Variants in SIK2 observed in about 807,000 individuals in gnomAD.
SIK2 encodes the protein salt inducible kinase 2.
A neutral mutation model predicts 103.2 loss-of-function variants in SIK2; 29 were observed. The observed-to-expected ratio is 0.28, with a 90% CI of 0.21 to 0.38. The LOEUF (loss-of-function observed/expected upper bound fraction) is 0.38, where lower values mean the gene tolerates loss of function less well. SIK2 is among the 10% of genes least tolerant of loss of function. The pLI, the probability that SIK2 is intolerant of heterozygous loss-of-function variation, is 1.00. For synonymous variants in SIK2, 412 were observed against 446.1 expected (o/e 0.92, Z 0.96); for missense variants, 879 against 1,171.0 (o/e 0.75, Z 3.64).
chr11:111,701,111 A>ATTTCATAT lies in SIK2; in HGVS notation c.603+106_603+113dup. The ATTTCATAT allele has an allele frequency of 1.4e-6, 2 of 1,426,896 alleles. No individual in the cohort carries two copies. Among genetic ancestry groups the ATTTCATAT allele is most frequent in the Non-Finnish European group, 1.9e-6 (2 of 1,066,716 alleles). 88.4% of individuals were successfully genotyped at this position (1,426,896 alleles called of 1,614,324 possible). On this transcript the variant is annotated intron_variant, in intron 5 of 14. Transcript: ENST00000304987. This position sits in a 1 kb window ranked among gnomAD's most constrained non-coding sequence, Gnocchi z 4.2. ...TCCTGGTACTTAACACATAAGCAGT[A>ATTTCATAT]TTTCATATTTTCCCCATCCACTGGA...
chr11:111,705,914 CAT>C lies in SIK2; in HGVS notation c.1101+778_1101+779del, dbSNP rs1168351945. On this transcript the variant is annotated intron_variant, in intron 8 of 14. Coordinates refer to ENST00000304987, the MANE Select transcript of SIK2 (RefSeq NM_015191.3). This position sits in a 1 kb window ranked among gnomAD's most constrained non-coding sequence, Gnocchi z 4.3. ...ATGAGAAATACCGAAGGCTTAAACT[CAT>C]ATGGCACTGTTGGAAGTAGAAAAGA... 1.3e-5 allele frequency among the ~76,000 whole-genome samples: 2 copies of C among 152,128 alleles called. No individual in the cohort carries two copies. Among genetic ancestry groups the C allele is most frequent in the African/African-American group, 4.8e-5 (2 of 41,424 alleles).
chr11:111,609,608 C>T (rs1342145778), intron 1 of SIK2, among the ~76,000 whole-genome samples: 2 of 152,192 alleles, frequency 1.3e-5, no homozygotes, highest in Non-Finnish European at 2.9e-5. Flanking sequence ...AGGCATAAGC[C>T]ACCATACCCA....
At chr11:111,714,319 G>A (rs775664622) in intron 9 of SIK2, among the ~76,000 whole-genome samples, 21 of 152,316 alleles carry the variant, frequency 1.4e-4, no homozygotes, top group Non-Finnish European at 2.2e-4. Flanking sequence ...TTCCCTAAGC[G>A]AGTGCTTTCA....
At chr11:111,687,230 C>T (rs939937720) in intron 3 of SIK2, among the ~76,000 whole-genome samples, 1 of 151,972 alleles carries the variant, frequency 6.6e-6, no homozygotes, top group Non-Finnish European at 1.5e-5. Context: ...AGAAATATTT[C>T]TTCAGGCTGG....
intron 3 of SIK2, among the ~76,000 whole-genome samples, chr11:111,621,617 T>TAATATAA (rs1379210828): frequency 6.6e-6 from 1 of 152,150 alleles, no homozygotes; most frequent in Non-Finnish European, 1.5e-5. Context: ...ACTTCGCATA[T>TAATATAA]AATATAAGAA....
Position 111,647,478 on chromosome 11 carries a change from C to T in SIK2, c.316+27076C>T, listed in dbSNP as rs796813973. Among the ~76,000 whole-genome samples the T allele has an allele frequency of 1.7e-4, 25 of 151,212 alleles. 1 individual carries two copies. Among genetic ancestry groups the T allele is most frequent in the African/African-American group, 6.1e-4 (25 of 41,090 alleles). ...ATCTACAAAAAATACAAAAAATACG[C>T]CAGGCATGTTGGCATTGAGACTGCA... On this transcript the variant is annotated intron_variant, in intron 3 of 14. Coordinates refer to ENST00000304987, the MANE Select transcript of SIK2 (RefSeq NM_015191.3).
rs979552784 is a variant in SIK2 at position 111,724,251 on chromosome 11, A to T, written c.*122A>T. Reference sequence around the variant, plus strand: ...CTCCCTAACGGGGAGAAATCGAGCCACCCAACTGGAATCAGAGGGTCTGGC... The same window carrying T: ...CTCCCTAACGGGGAGAAATCGAGCCTCCCAACTGGAATCAGAGGGTCTGGC... On this transcript the variant is annotated 3_prime_UTR_variant, in exon 15 of 15. Coordinates refer to ENST00000304987, the MANE Select transcript of SIK2 (RefSeq NM_015191.3). 8.1e-6 allele frequency: 11 copies of T among 1,360,536 alleles called. No individual in the cohort carries two copies. Among genetic ancestry groups the T allele is most frequent in the Non-Finnish European group, 1.1e-5 (11 of 1,024,798 alleles). 84.3% of individuals were successfully genotyped at this position (1,360,536 alleles called of 1,614,324 possible).
At chr11:111,650,120 C>T (rs1942309109) in intron 3 of SIK2, among the ~76,000 whole-genome samples, 2 of 151,744 alleles carry the variant, frequency 1.3e-5, no homozygotes, top group Admixed American at 1.3e-4. Flanking sequence ...AGTAGGTGTA[C>T]ATATATGCTA....
At chr11:111,645,945 C>T (rs1036682231) in intron 3 of SIK2, among the ~76,000 whole-genome samples, 1 of 151,942 alleles carries the variant, frequency 6.6e-6, no homozygotes, top group South Asian at 2.1e-4. Flanking sequence ...TATTTCTTGA[C>T]CTTCATGGTG....
At chr11:111,666,444 A>G (rs999559603) in intron 3 of SIK2, among the ~76,000 whole-genome samples, 3 of 152,200 alleles carry the variant, frequency 2.0e-5, no homozygotes, top group African/African-American at 7.2e-5. Flanking sequence ...TTAAAAAAAG[A>G]TACTGTATGT....
chr11:111,603,797 G>T (rs1487908454), intron 1 of SIK2, among the ~76,000 whole-genome samples: 1 of 152,178 alleles, frequency 6.6e-6, no homozygotes, highest in African/African-American at 2.4e-5. Flanking sequence ...TTGCCCTCCA[G>T]TTTTGGTCCT....
intron 7 of SIK2, among the ~76,000 whole-genome samples, chr11:111,704,272 T>C (rs1324261410): frequency 6.6e-6 from 1 of 152,224 alleles, no homozygotes; most frequent in Non-Finnish European, 1.5e-5. Flanking sequence ...CTGAGAGTGC[T>C]CTGCATCCTG....
intron 3 of SIK2, among the ~76,000 whole-genome samples, chr11:111,663,760 G>A (rs976290216): frequency 7.9e-5 from 12 of 152,178 alleles, no homozygotes; most frequent in African/African-American, 1.9e-4. Flanking sequence ...TTCGGGGTAC[G>A]TTTTCAAGGT....
chr11:111,657,679 A>G (rs572165370), intron 3 of SIK2, among the ~76,000 whole-genome samples: 1 of 152,196 alleles, frequency 6.6e-6, no homozygotes, highest in South Asian at 2.1e-4. Flanking sequence ...ATGAGCCACC[A>G]TGCCTGGCCA....
At chr11:111,663,264 G>T (rs910597143) in intron 3 of SIK2, among the ~76,000 whole-genome samples, 1 of 151,562 alleles carries the variant, frequency 6.6e-6, no homozygotes, top group Non-Finnish European at 1.5e-5. Flanking sequence ...GGTAAAGGTA[G>T]AGTCTCTGAG....
In SIK2 at chr11:111,727,308, T is replaced by C. The variant is rs1426969920; in HGVS notation, c.*3179T>C. On this transcript the variant is annotated 3_prime_UTR_variant, in exon 15 of 15. Transcript: ENST00000304987. ...TTCATGCCCATCTGAGCAAACCCCT[T>C]CTCTCTTCCATCCACTTTTGCCTCC... 6 of 516,158 alleles carry C rather than the reference T, an allele frequency of 1.2e-5. No homozygotes were observed. Among genetic ancestry groups the C allele is most frequent in the Non-Finnish European group, 2.1e-5 (6 of 289,926 alleles). The allele number at this position is 516,158 out of a possible 1,614,324, so 32.0% of individuals were successfully genotyped here.
intron 3 of SIK2, among the ~76,000 whole-genome samples, chr11:111,623,072 A>G (rs114668882): frequency 3.9e-4 from 59 of 152,302 alleles, no homozygotes; most frequent in African/African-American, 1.2e-3. Context: ...CCCACAGCTC[A>G]CTGATGCTCT....
chr11:111,638,396 A>G (rs974392267), intron 3 of SIK2, among the ~76,000 whole-genome samples: 4 of 152,122 alleles, frequency 2.6e-5, no homozygotes, highest in South Asian at 2.1e-4. Flanking sequence ...TATTTTTTAA[A>G]CCATCTTCAC....
rs1555027118 is a variant in SIK2 at position 111,643,476 on chromosome 11, A to AG, written c.316+23075dup. 6.8e-3 allele frequency among the ~76,000 whole-genome samples: 1,042 copies of AG among 152,138 alleles called. 16 individuals carry two copies. The highest frequency in any genetic ancestry group is 0.024 in the African/African-American group (981 of 41,488). On this transcript the variant is annotated intron_variant, in intron 3 of 14. Transcript: ENST00000304987. ...GTATCCCAGAACTTAAAAAAAAAAA[A>AG]GTTAATTATATTTGAAAATGTAGAG...
Sources: allele counts gnomAD v4.1 joint callset (sites outside exome capture counted in the v4.1 genomes callset), GRCh38; gene constraint gnomAD v4.1.1; non-coding constraint Gnocchi (gnomAD v3.1); transcripts MANE v1.5; gene names NCBI Gene and HGNC (gene_info 2026-07-23, HGNC 2026-07-21).